GABRA1: variants seen among roughly 807,000 people sequenced by gnomAD.
GABRA1 encodes the protein gamma-aminobutyric acid receptor subunit alpha-1.
A neutral mutation model predicts 48.9 loss-of-function variants in GABRA1; 9 were observed. The observed-to-expected ratio is 0.18, with a 90% CI of 0.11 to 0.32. GABRA1 has a LOEUF of 0.32. Ranked by LOEUF, GABRA1 falls within the 10% of genes least tolerant of loss-of-function variation. GABRA1 has a pLI of 1.00. For synonymous variants in GABRA1, 210 were observed against 198.7 expected (o/e 1.06, Z -0.48); for missense variants, 285 against 553.8 (o/e 0.51, Z 4.87).
Position 161,882,610 on chromosome 5 carries a change from C to G in GABRA1, c.612C>G (p.Arg204=). 1.2e-6 allele frequency: 2 copies of G among 1,613,608 alleles called. No homozygotes were observed. Among genetic ancestry groups the G allele is most frequent in the Non-Finnish European group, 1.7e-6 (2 of 1,179,702 alleles). ...VVYEWTREPA[R]SVVVAEDGSR... ...ATGAATGGACCAGAGAGCCAGCACG[C>G]TCAGTGGTTGTAGCAGAAGATGGAT... Residue 204 remains arginine, a synonymous_variant, in exon 7 of 10, where the codon CGC becomes CGG. Transcript: ENST00000393943.
intron 5 of GABRA1, 28 bp from the exon 6 acceptor site, chr5:161,875,532 C>G (rs573982851): frequency 4.4e-6 from 7 of 1,574,562 alleles, no homozygotes; most frequent in East Asian, 2.2e-5. Flanking sequence ...CTATATGGCT[C>G]TTGTTTGTAT....
chr5:161,848,937 T>C (rs1197499070), intron 1 of GABRA1: 2 of 454,826 alleles, frequency 4.4e-6, no homozygotes, highest in Non-Finnish European at 8.8e-6. Context: ...TGTTTTTCCC[T>C]TTCCAGTGGA....
chr5:161,872,375 AATG>A (rs1403060675), intron 4 of GABRA1: 2 of 152,600 alleles, frequency 1.3e-5, no homozygotes, highest in African/African-American at 2.4e-5. Context: ...CCTGGCTGTG[AATG>A]ATGATGAGCT....
rs141866744 is a variant in GABRA1 at position 161,883,771 on chromosome 5, C to T, written c.703+1070C>T. 2.4e-4 allele frequency among the ~76,000 whole-genome samples: 37 copies of T among 152,136 alleles called. 1 individual carries two copies. In the East Asian group the frequency reaches 4.8e-3, roughly 20 times the overall value. On this transcript the variant is annotated intron_variant, in intron 7 of 9. Coordinates refer to ENST00000393943, the MANE Select transcript of GABRA1 (RefSeq NM_001127644.2). ...AGCATAATACATTCCAATAATAGGT[C>T]GACCTCTCTTGCTATGATTATTAGA...
At chr5:161,887,767 T>C (rs1300447176) in intron 7 of GABRA1, among the ~76,000 whole-genome samples, 3 of 152,228 alleles carry the variant, frequency 2.0e-5, no homozygotes, top group Admixed American at 2.0e-4. Flanking sequence ...AGAGAATGCA[T>C]GTCTGTGTTT....
intron 4 of GABRA1, among the ~76,000 whole-genome samples, chr5:161,869,830 T>G (rs1269096509): frequency 1.3e-5 from 2 of 152,172 alleles, no homozygotes; most frequent in Admixed American, 1.3e-4. Flanking sequence ...AGGTTTACCT[T>G]TGTCCAACCT....
At chr5:161,887,696 A>C (rs529099851) in intron 7 of GABRA1, among the ~76,000 whole-genome samples, 1 of 152,170 alleles carries the variant, frequency 6.6e-6, no homozygotes, top group Non-Finnish European at 1.5e-5. Context: ...ACAGCTTCAC[A>C]AGGAATCAAT....
intron 8 of GABRA1, among the ~76,000 whole-genome samples, chr5:161,893,024 T>A (rs202173666): frequency 0.074 from 7,913 of 107,402 alleles, 361 homozygotes; most frequent in South Asian, 0.16. Flanking sequence ...ATAATAATAA[T>A]AATAATAATA....
intron 6 of GABRA1, chr5:161,882,281 G>T: frequency 2.1e-6 from 1 of 469,946 alleles, no homozygotes; most frequent in South Asian, 2.2e-5. Flanking sequence ...ATAAGATAAA[G>T]AACATTTGTT....
intron 7 of GABRA1, among the ~76,000 whole-genome samples, chr5:161,885,752 A>C (rs1233184451): frequency 6.6e-6 from 1 of 152,186 alleles, no homozygotes; most frequent in East Asian, 1.9e-4. Context: ...GTACTTACTC[A>C]CCTGGCAGAA....
At chr5:161,853,165 A>G (rs1284872143) in intron 2 of GABRA1, among the ~76,000 whole-genome samples, 1 of 151,900 alleles carries the variant, frequency 6.6e-6, no homozygotes, top group East Asian at 1.9e-4. Context: ...TGGAGTTGTC[A>G]TGCTAATCAT....
At chr5:161,874,757 G>C (rs1284432646) in intron 5 of GABRA1, among the ~76,000 whole-genome samples, 2 of 151,908 alleles carry the variant, frequency 1.3e-5, no homozygotes, top group Non-Finnish European at 2.9e-5. Flanking sequence ...TACGTTTCTT[G>C]AGCTACTTAA....
intron 6 of GABRA1, among the ~76,000 whole-genome samples, chr5:161,879,257 T>C (rs753976452): frequency 2.8e-4 from 43 of 152,216 alleles, no homozygotes; most frequent in Non-Finnish European, 4.7e-4. Flanking sequence ...TACAGGCACA[T>C]GCCATCACAC....
chr5:161,875,809 T>C (rs1754324228), intron 6 of GABRA1, among the ~76,000 whole-genome samples, 167 bp downstream of exon 6: 1 of 152,194 alleles, frequency 6.6e-6, no homozygotes, highest in South Asian at 2.1e-4. Context: ...TTTTTAATGT[T>C]GCTTCAAGAG....
intron 8 of GABRA1, among the ~76,000 whole-genome samples, chr5:161,891,580 T>C (rs1755091885): frequency 6.6e-6 from 1 of 152,192 alleles, no homozygotes; most frequent in Non-Finnish European, 1.5e-5. Context: ...ACAATATTTT[T>C]AATGACCTAC....
rs575186628 is a variant in GABRA1, at chr5:161,899,701, G to T, written c.*2279G>T. 6.6e-6 allele frequency: 1 copy of T among 152,264 alleles called. No individual in the cohort carries two copies. Among genetic ancestry groups the T allele is most frequent in the South Asian group, 2.1e-4 (1 of 4,828 alleles). The allele number at this position is 152,264 out of a possible 1,614,324, so 9.4% of individuals were successfully genotyped here. ...TGCTTTGCTAAACCATGTAGTACTA[G>T]TTAAGTCTTCCTTGAAAATAAAGAT... On this transcript the variant is annotated 3_prime_UTR_variant, in exon 10 of 10. Coordinates refer to ENST00000393943, the MANE Select transcript of GABRA1 (RefSeq NM_001127644.2).
At chr5:161,867,343 A>G (rs568463627) in intron 4 of GABRA1, among the ~76,000 whole-genome samples, 2 of 152,092 alleles carry the variant, frequency 1.3e-5, no homozygotes, top group Non-Finnish European at 2.9e-5. Context: ...GTATTCCCAT[A>G]AATGATTTTG....
At chr5:161,867,555 A>G (rs1753923567) in intron 4 of GABRA1, among the ~76,000 whole-genome samples, 1 of 152,126 alleles carries the variant, frequency 6.6e-6, no homozygotes, top group Non-Finnish European at 1.5e-5. Flanking sequence ...ATATTATTAT[A>G]GTTGCCTATT....
intron 7 of GABRA1, 102 bp downstream of exon 7, chr5:161,882,803 A>T (rs970750727): frequency 1.3e-5 from 15 of 1,152,286 alleles, no homozygotes; most frequent in Non-Finnish European, 1.8e-5. Context: ...GAGAGAGAAC[A>T]TTTCACTAAA....
Sources: gnomAD v4.1 joint callset for allele counts (sites outside exome capture counted in the v4.1 genomes callset) on GRCh38, gnomAD v4.1.1 for gene constraint, MANE v1.5 for transcripts, NCBI Gene and HGNC (gene_info 2026-07-23, HGNC 2026-07-21) for gene names.